BCL2L11: variants seen among roughly 807,000 people sequenced by gnomAD.
BCL2L11 encodes the protein bcl-2-like protein 11.
BCL2L11 carries 15 observed loss-of-function variants against 20.6 expected under a neutral mutation model. That is an observed-to-expected ratio of 0.73 (90% CI 0.49 to 1.12). The LOEUF (loss-of-function observed/expected upper bound fraction) is 1.12, where lower values mean the gene tolerates loss of function less well. Among genes scored for constraint, BCL2L11 ranks in the 50% most tolerant of loss-of-function variants. The pLI is 0.00. For synonymous variants in BCL2L11, 108 were observed against 92.8 expected, an observed-to-expected ratio of 1.16 and a Z score of -0.94; for missense variants, 292 against 260.9, an observed-to-expected ratio of 1.12 and a Z score of -0.82.
At chr2:111,138,173 T>C (rs1265307579) in intron 2 of BCL2L11, among the ~76,000 whole-genome samples, 1 of 152,086 alleles carries the variant, frequency 6.6e-6, no homozygotes, top group Non-Finnish European at 1.5e-5. Flanking sequence ...GACGCCTGGC[T>C]AATTTTTGTA....
chr2:111,132,976 A>G (rs1322219312), intron 2 of BCL2L11, among the ~76,000 whole-genome samples: 1 of 152,266 alleles, frequency 6.6e-6, no homozygotes, highest in African/African-American at 2.4e-5. Flanking sequence ...CATACTCTAT[A>G]CAATTTCAGT....
At chr2:111,137,015 C>T (rs2150367122) in intron 2 of BCL2L11, among the ~76,000 whole-genome samples, 1 of 152,252 alleles carries the variant, frequency 6.6e-6, no homozygotes, top group East Asian at 1.9e-4. Flanking sequence ...ATGGTGTGAC[C>T]ATAGGGCGTG....
At chr2:111,132,705 T>G (rs929755465) in intron 2 of BCL2L11, among the ~76,000 whole-genome samples, 1 of 152,216 alleles carries the variant, frequency 6.6e-6, no homozygotes, top group Non-Finnish European at 1.5e-5. Context: ...CAGCAAACAT[T>G]GCCTGTAATA....
intron 2 of BCL2L11, among the ~76,000 whole-genome samples, chr2:111,146,541 G>T (rs73954959): frequency 6.6e-5 from 10 of 152,136 alleles, no homozygotes; most frequent in African/African-American, 2.4e-4. Context: ...AGACCATACC[G>T]GTGGATCCCT....
intron 2 of BCL2L11, among the ~76,000 whole-genome samples, chr2:111,129,121 G>A (rs139410160): frequency 9.2e-5 from 14 of 152,330 alleles, no homozygotes; most frequent in African/African-American, 1.4e-4. Flanking sequence ...TGTAAACAGC[G>A]GCATTCTTCA....
intron 1 of BCL2L11, chr2:111,123,220 C>A (rs2071605708): frequency 1.0e-6 from 1 of 985,372 alleles, no homozygotes; most frequent in Admixed American, 6.1e-5. Context: ...TTGTGACGCA[C>A]TTACTACGAC....
chr2:111,159,926 A>C (rs2078351665), intron 3 of BCL2L11, among the ~76,000 whole-genome samples: 1 of 152,208 alleles, frequency 6.6e-6, no homozygotes, highest in Non-Finnish European at 1.5e-5. Context: ...GGCATTGTTC[A>C]TATCTTCAGA....
chr2:111,139,237 C>G (rs1287071238), intron 2 of BCL2L11, among the ~76,000 whole-genome samples: 1 of 152,160 alleles, frequency 6.6e-6, no homozygotes, highest in Non-Finnish European at 1.5e-5. Context: ...ACCTCAGCTT[C>G]TTGGGTAAAT....
At chr2:111,145,009 T>G (rs1378684729) in intron 2 of BCL2L11, among the ~76,000 whole-genome samples, 1 of 152,248 alleles carries the variant, frequency 6.6e-6, no homozygotes, top group Non-Finnish European at 1.5e-5. Context: ...CTCTCAGTTC[T>G]GAGTTGAATA....
chr2:111,122,890 C>A lies in BCL2L11; in HGVS notation c.-13-843C>A, dbSNP rs915997433. ...GGACGCCGCGGGGCTTGGTCCCTGG[C>A]CCGGACGCTGCGCTCTGAAGGGAAG... On this transcript the variant is annotated intron_variant, in intron 1 of 3. Transcript: ENST00000393256. 1.3e-5 allele frequency: 13 copies of A among 985,062 alleles called. No individual in the cohort carries two copies. The Admixed American group carries it at 1.8e-4, about 14-fold the overall frequency. The allele number at this position is 985,062 out of a possible 1,614,324, so 61.0% of individuals were successfully genotyped here.
At chr2:111,150,205 T>A (rs1319234930) in intron 3 of BCL2L11, 58 bp downstream of exon 3, 2 of 1,575,872 alleles carry the variant, frequency 1.3e-6, no homozygotes, top group Non-Finnish European at 1.7e-6. Flanking sequence ...CACACTATAT[T>A]TTTTTAAAAA....
At chr2:111,164,008 G>A in intron 3 of BCL2L11, 125 bp from the exon 4 acceptor site, 2 of 667,472 alleles carry the variant, frequency 3.0e-6, no homozygotes, top group Non-Finnish European at 5.5e-6. Flanking sequence ...GTGACACAGT[G>A]CTCTTGAAGA....
At chr2:111,131,512 A>G (rs972563557) in intron 2 of BCL2L11, 8 of 152,040 alleles carry the variant, frequency 5.3e-5, no homozygotes, top group African/African-American at 1.7e-4. Context: ...TCTTTCCAAA[A>G]GTTTATCAGT....
chr2:111,136,888 C>T (rs1381315502), intron 2 of BCL2L11, among the ~76,000 whole-genome samples: 1 of 152,188 alleles, frequency 6.6e-6, no homozygotes, highest in East Asian at 1.9e-4. Context: ...CCTTTTTACT[C>T]TCCATGTGGA....
chr2:111,150,649 T>G (rs572381261), intron 3 of BCL2L11, among the ~76,000 whole-genome samples: 1 of 152,350 alleles, frequency 6.6e-6, no homozygotes, highest in East Asian at 1.9e-4. Context: ...CATTGCTGTC[T>G]TTGGACATTT....
chr2:111,153,910 C>A, intron 3 of BCL2L11: 2 of 1,538,176 alleles, frequency 1.3e-6, no homozygotes, highest in Non-Finnish European at 8.8e-7. Context: ...CACAGGTGAG[C>A]GCAAAGTCCC....
At chr2:111,139,934 T>G (rs2150392410) in intron 2 of BCL2L11, among the ~76,000 whole-genome samples, 1 of 152,350 alleles carries the variant, frequency 6.6e-6, no homozygotes, top group African/African-American at 2.4e-5. Context: ...TGTTCTGCCT[T>G]TCTGTGTGGA....
intron 2 of BCL2L11, among the ~76,000 whole-genome samples, chr2:111,134,850 T>C (rs2074583078): frequency 6.6e-6 from 1 of 152,214 alleles, no homozygotes; most frequent in South Asian, 2.1e-4. Context: ...AGGGCCTCTA[T>C]GGTTTTAGAT....
At chr2:111,133,616 A>G (rs2074332963) in intron 2 of BCL2L11, among the ~76,000 whole-genome samples, 1 of 151,950 alleles carries the variant, frequency 6.6e-6, no homozygotes, top group Admixed American at 6.6e-5. Context: ...ATGTGTCGAG[A>G]ATTTGTTCTG....
Sources: allele counts gnomAD v4.1 joint callset (sites outside exome capture counted in the v4.1 genomes callset), GRCh38; gene constraint gnomAD v4.1.1; transcripts MANE v1.5; gene names NCBI Gene and HGNC (gene_info 2026-07-23, HGNC 2026-07-21).